The following PIK3C2G variants were observed in gnomAD, a reference collection of about 807,000 sequenced individuals.
The protein encoded by PIK3C2G is phosphatidylinositol 3-kinase C2 domain-containing subunit gamma.
PIK3C2G carries 168 observed loss-of-function variants against 181.1 expected under a neutral mutation model. That is an observed-to-expected ratio of 0.93 (90% CI 0.82 to 1.05). PIK3C2G has a LOEUF of 1.05. PIK3C2G is among the 50% of genes least tolerant of loss of function. PIK3C2G has a pLI of 0.00. For missense variants in PIK3C2G, 1,869 were observed against 1,732.8 expected, an observed-to-expected ratio of 1.08 and a Z score of -1.40; for synonymous variants, 573 against 592.2, an observed-to-expected ratio of 0.97 and a Z score of 0.47.
chr12:18,590,564 C>T (rs373740332), intron 29 of PIK3C2G, among the ~76,000 whole-genome samples: 1 of 151,752 alleles, frequency 6.6e-6, no homozygotes, highest in East Asian at 1.9e-4. Context: ...AGGTCAATAC[C>T]AGTGGAGAAC....
At chr12:18,563,237 A>G in intron 27 of PIK3C2G, 140 bp from the exon 28 acceptor site, 1 of 742,360 alleles carries the variant, frequency 1.3e-6, no homozygotes, top group Non-Finnish European at 2.1e-6. Context: ...TTTTGCCTTT[A>G]CAAAATGCAT....
chr12:18,268,555 C>T (rs1233152855), intron 1 of PIK3C2G, among the ~76,000 whole-genome samples: 1 of 152,040 alleles, frequency 6.6e-6, no homozygotes, highest in East Asian at 1.9e-4. Context: ...TTCAGCCTTC[C>T]CATACTAATT....
intron 29 of PIK3C2G, among the ~76,000 whole-genome samples, chr12:18,592,625 G>T (rs751847807): frequency 4.0e-5 from 6 of 151,898 alleles, no homozygotes; most frequent in Non-Finnish European, 8.8e-5. Flanking sequence ...AGGTTTGTTT[G>T]CATCAGGGAA....
In PIK3C2G at chr12:18,297,905, TTTTC is replaced by T. The variant is rs550554432; in HGVS notation, c.1034+3901_1034+3904del. Among the ~76,000 whole-genome samples the T allele has an allele frequency of 1.7e-3, 254 of 152,162 alleles. 1 individual carries two copies. Among genetic ancestry groups the T allele is most frequent in the African/African-American group, 5.6e-3 (234 of 41,560 alleles). ...TATTCCATTGTGTATGTATACCACA[TTTTC>T]TTTCTTTCTTCATTCATTGATGAAT... On this transcript the variant is annotated intron_variant, in intron 5 of 32. Coordinates refer to ENST00000538779, the MANE Select transcript of PIK3C2G (RefSeq NM_001288772.2).
chr12:18,362,587 T>C, intron 11 of PIK3C2G, among the ~76,000 whole-genome samples, 177 bp from the exon 12 acceptor site: 1 of 152,240 alleles, frequency 6.6e-6, no homozygotes, highest in East Asian at 1.9e-4. Flanking sequence ...GGGCCTCCTA[T>C]TCCACTGTCT....
the PIK3C2G span, among the ~76,000 whole-genome samples, chr12:18,697,973 C>T: frequency 6.6e-6 from 1 of 151,816 alleles, no homozygotes; most frequent in African/African-American, 2.4e-5. Context: ...TATCTAATTC[C>T]TTTCCAAAAT....
intron 1 of PIK3C2G, among the ~76,000 whole-genome samples, chr12:18,274,594 A>G (rs944406909): frequency 1.3e-5 from 2 of 151,986 alleles, no homozygotes; most frequent in South Asian, 2.1e-4. Flanking sequence ...ATAGGTGGGA[A>G]TTGAACAATG....
chr12:18,620,250 C>G (rs1948791710), intron 31 of PIK3C2G, among the ~76,000 whole-genome samples: 1 of 151,926 alleles, frequency 6.6e-6, no homozygotes, highest in Non-Finnish European at 1.5e-5. Flanking sequence ...TAAAATCTCT[C>G]TAATTTTTAA....
intron 8 of PIK3C2G, among the ~76,000 whole-genome samples, chr12:18,326,771 G>C (rs1951364467): frequency 6.6e-6 from 1 of 152,018 alleles, no homozygotes; most frequent in Non-Finnish European, 1.5e-5. Flanking sequence ...AACTTACCAG[G>C]TTACCAGGAT....
intron 8 of PIK3C2G, among the ~76,000 whole-genome samples, chr12:18,331,302 G>C (rs1186319693): frequency 6.6e-6 from 1 of 152,084 alleles, no homozygotes; most frequent in African/African-American, 2.4e-5. Context: ...ATCCATGAGA[G>C]ATCAATTTAA....
At chr12:18,417,624 GTTAGCATTTC>G (rs1415208699) in intron 16 of PIK3C2G, among the ~76,000 whole-genome samples, 6 of 152,042 alleles carry the variant, frequency 3.9e-5, no homozygotes, top group Non-Finnish European at 8.8e-5. Flanking sequence ...TTAGTTTATT[GTTAGCATTTC>G]TTAGCAACAA....
chr12:18,575,416 C>A (rs1183272319), intron 29 of PIK3C2G, among the ~76,000 whole-genome samples: 1 of 152,160 alleles, frequency 6.6e-6, no homozygotes. Flanking sequence ...CAATAAATAT[C>A]TTCCCATTTA....
rs1949665119 is a variant in PIK3C2G, at chr12:18,290,940, TTTTC to T, written c.849_852del (p.Phe283LeufsTer31). On this transcript the variant is annotated frameshift_variant, in exon 4 of 33. Coordinates refer to ENST00000538779, the MANE Select transcript of PIK3C2G (RefSeq NM_001288772.2). LOFTEE classifies it high-confidence loss of function. ...TACTACAGCATTTCCGTATCAGCTCTTTTCTAAGACCAAGTTTAATATACATATT... is the reference window on the plus strand; with the variant it reads ...TACTACAGCATTTCCGTATCAGCTCTTAAGACCAAGTTTAATATACATATT... The T allele has an allele frequency of 6.3e-7, 1 of 1,588,996 alleles. No individual in the cohort carries two copies. Among genetic ancestry groups the T allele is most frequent in the South Asian group, 1.1e-5 (1 of 90,488 alleles).
chr12:18,650,880 T>G (rs1395647679), downstream of PIK3C2G, among the ~76,000 whole-genome samples: 1 of 151,240 alleles, frequency 6.6e-6, no homozygotes, highest in Admixed American at 6.6e-5. Context: ...ACTGCTATCA[T>G]CCTTGGCCTG....
the PIK3C2G span, chr12:18,693,450 G>A: frequency 6.2e-7 from 1 of 1,605,868 alleles, no homozygotes; most frequent in East Asian, 2.2e-5. Flanking sequence ...GTCATTCTCT[G>A]TGGTCCACCT....
intron 31 of PIK3C2G, among the ~76,000 whole-genome samples, chr12:18,628,851 G>C (rs1949219778): frequency 6.6e-6 from 1 of 152,090 alleles, no homozygotes; most frequent in Non-Finnish European, 1.5e-5. Flanking sequence ...CAGCTACTTG[G>C]GAGGCTGAGG....
chr12:18,575,605 G>C (rs566252825), intron 29 of PIK3C2G, among the ~76,000 whole-genome samples: 2 of 152,236 alleles, frequency 1.3e-5, no homozygotes, highest in Admixed American at 6.5e-5. Flanking sequence ...AACTGCCTGA[G>C]CACCTAAGGA....
chr12:18,705,618 C>A, the PIK3C2G span, among the ~76,000 whole-genome samples: 1 of 152,094 alleles, frequency 6.6e-6, no homozygotes, highest in East Asian at 1.9e-4. Context: ...GTAATCCCAG[C>A]ACTTTGGGAG....
chr12:18,440,437 A>G (rs1455268669), intron 18 of PIK3C2G, among the ~76,000 whole-genome samples: 1 of 152,172 alleles, frequency 6.6e-6, no homozygotes, highest in Non-Finnish European at 1.5e-5. Context: ...AAATAAAACA[A>G]GTAGGAAACA....
Sources: gnomAD v4.1 joint callset for allele counts (sites outside exome capture counted in the v4.1 genomes callset) on GRCh38, gnomAD v4.1.1 for gene constraint, MANE v1.5 for transcripts, NCBI Gene and HGNC (gene_info 2026-07-23, HGNC 2026-07-21) for gene names.